Variants in CDC20B observed in about 807,000 individuals in gnomAD.
CDC20B encodes cell division cycle protein 20 homolog B.
Under a neutral mutation model 64.1 loss-of-function variants are expected in CDC20B, and 58 were observed. The observed-to-expected ratio is 0.90, with a 90% CI of 0.73 to 1.13. The LOEUF is 1.13. Ranked by LOEUF, CDC20B falls within the 50% of genes most tolerant of loss-of-function variation. The pLI, the probability that CDC20B is intolerant of heterozygous loss-of-function variation, is 0.00. For missense variants in CDC20B, 597 were observed against 633.0 expected, an observed-to-expected ratio of 0.94 and a Z score of 0.61; for synonymous variants, 243 against 230.6, an observed-to-expected ratio of 1.05 and a Z score of -0.49.
intron 2 of CDC20B, among the ~76,000 whole-genome samples, chr5:55,171,006 T>C (rs1301798805): frequency 1.3e-5 from 2 of 152,214 alleles, no homozygotes; most frequent in Admixed American, 1.3e-4. Context: ...ACAGTACAAA[T>C]GAATTTTAAA....
chr5:55,114,006 C>A lies in CDC20B; in HGVS notation c.*212G>T. 2.6e-6 allele frequency: 2 copies of A among 768,854 alleles called. No homozygotes were observed. Among genetic ancestry groups the A allele is most frequent in the Non-Finnish European group, 3.8e-6 (2 of 529,278 alleles). 47.6% of individuals were successfully genotyped at this position (768,854 alleles called of 1,614,324 possible). On this transcript the variant is annotated 3_prime_UTR_variant, in exon 12 of 12. Transcript: ENST00000381375. This position sits in a 1 kb window ranked among gnomAD's most constrained non-coding sequence, Gnocchi z 4.1. ...AGAAGAGGAGGGGGAGGAAGAGGGG[C>A]AGAAAGAAGAAAGCAGAGAAGAAAA...
intron 5 of CDC20B, among the ~76,000 whole-genome samples, chr5:55,135,136 T>C (rs922137864): frequency 6.6e-6 from 1 of 152,146 alleles, no homozygotes; most frequent in African/African-American, 2.4e-5. Context: ...TGTGCATGTG[T>C]GGTGACAAGG....
intron 2 of CDC20B, among the ~76,000 whole-genome samples, chr5:55,163,707 C>A (rs890667004): frequency 6.6e-6 from 1 of 151,056 alleles, no homozygotes; most frequent in East Asian, 2.0e-4. Context: ...GGGGTTTCAC[C>A]GTGTTGGGCA....
intron 2 of CDC20B, chr5:55,172,143 C>G (rs1744618744): frequency 6.2e-6 from 1 of 161,354 alleles, no homozygotes; most frequent in Admixed American, 6.2e-5. Context: ...TTTGGTCTTT[C>G]AAGGAGAACA....
chr5:55,141,102 G>A (rs533817772), intron 4 of CDC20B, among the ~76,000 whole-genome samples: 1 of 152,276 alleles, frequency 6.6e-6, no homozygotes, highest in East Asian at 1.9e-4. Context: ...GGAGGGAGTG[G>A]GTGGATGAGC....
intron 6 of CDC20B, among the ~76,000 whole-genome samples, chr5:55,130,213 A>G (rs1308767855): frequency 1.3e-5 from 2 of 152,206 alleles, no homozygotes; most frequent in African/African-American, 4.8e-5. Context: ...CACAAAATAC[A>G]AACTTTAAAA....
rs900910077 is a variant in CDC20B at position 55,128,312 on chromosome 5, C to G, written c.894+109G>C. 6.8e-6 allele frequency: 5 copies of G among 740,442 alleles called. No individual in the cohort carries two copies. The African/African-American group carries it at 9.7e-5, about 14-fold the overall frequency. The allele number at this position is 740,442 out of a possible 1,614,324, so 45.9% of individuals were successfully genotyped here. On this transcript the variant is annotated intron_variant, in intron 7 of 11. Coordinates refer to ENST00000381375, the MANE Select transcript of CDC20B (RefSeq NM_001170402.1). ...TCATCTCCTTTTATTCCCCATACTT[C>G]AAGAGCCACACCTAGTTTCTCTATT...
intron 2 of CDC20B, chr5:55,163,945 C>T (rs1322629061): frequency 2.6e-6 from 2 of 755,902 alleles, no homozygotes; most frequent in Non-Finnish European, 3.9e-6. Context: ...TATATTATGA[C>T]AGTCCTAGAA....
chr5:55,168,859 A>G (rs1397700479), intron 2 of CDC20B, among the ~76,000 whole-genome samples: 4 of 152,202 alleles, frequency 2.6e-5, no homozygotes, highest in Non-Finnish European at 5.9e-5. Flanking sequence ...CTGAAAAACT[A>G]TCTATTGGGT....
chr5:55,136,347 G>C (rs370294376), intron 5 of CDC20B: 12 of 151,782 alleles, frequency 7.9e-5, no homozygotes, highest in Admixed American at 7.9e-4. Flanking sequence ...ATCATTTGTG[G>C]CCAGAGTTCA....
chr5:55,154,469 A>C (rs1359059545), intron 2 of CDC20B, among the ~76,000 whole-genome samples: 2 of 152,164 alleles, frequency 1.3e-5, no homozygotes, highest in African/African-American at 4.8e-5. Flanking sequence ...GTGAGCCATG[A>C]TCATGCCACT....
At position 55,124,851 on chromosome 5, in the gene CDC20B, A is replaced by G; in HGVS notation, c.1167T>C (p.Ser389=). 6.2e-7 allele frequency: 1 copy of G among 1,614,202 alleles called. No homozygotes were observed. The highest frequency in any genetic ancestry group is 8.5e-7 in the Non-Finnish European group (1 of 1,180,010). Residue 389 remains serine, a synonymous_variant, in exon 9 of 12, where the codon AGT becomes AGC. Transcript: ENST00000381375. The part of the protein sequence containing the change: ...LTIWPHDPGA[S]AQGQPLKVIT... ...TGACTTTCAGCGGTTGGCCCTGTGC[A>G]CTGGCACCTGGATCGTGGGGCCATA...
chr5:55,162,121 C>T (rs972996492), intron 2 of CDC20B, among the ~76,000 whole-genome samples: 13 of 147,890 alleles, frequency 8.8e-5, no homozygotes, highest in South Asian at 8.6e-4. Flanking sequence ...AAAGGCCGGG[C>T]GCGGTGGCTC....
At chr5:55,143,728 CAGA>C (rs1349505694) in intron 3 of CDC20B, 85 bp from the exon 4 acceptor site, 2 of 1,336,932 alleles carry the variant, frequency 1.5e-6, no homozygotes, top group African/African-American at 2.9e-5. Flanking sequence ...GCATCTTTCA[CAGA>C]AGGACAGAGT....
In CDC20B at chr5:55,114,079, A is replaced by G; in HGVS notation, c.*139T>C. 3 of 1,367,378 alleles carry G rather than the reference A, an allele frequency of 2.2e-6. No individual in the cohort carries two copies. The South Asian group carries it at 5.3e-5, about 24-fold the overall frequency. The allele number at this position is 1,367,378 out of a possible 1,614,324, so 84.7% of individuals were successfully genotyped here. ...AGCAAGTAAAGCAATCTGCAAAAGA[A>G]GAACAGGAGAACAGGCATTCACATC... On this transcript the variant is annotated 3_prime_UTR_variant, in exon 12 of 12. Coordinates refer to ENST00000381375, the MANE Select transcript of CDC20B (RefSeq NM_001170402.1). The surrounding 1 kb of genome is among the most constrained non-coding windows in gnomAD (Gnocchi z 4.1).
intron 7 of CDC20B, among the ~76,000 whole-genome samples, 189 bp from the exon 8 acceptor site, chr5:55,127,540 G>C (rs538637357): frequency 6.6e-6 from 1 of 152,302 alleles, no homozygotes; most frequent in East Asian, 1.9e-4. Flanking sequence ...ATAACACTAT[G>C]GATGCTGATT....
chr5:55,125,843 T>A (rs1742874461), intron 8 of CDC20B, among the ~76,000 whole-genome samples: 1 of 152,248 alleles, frequency 6.6e-6, no homozygotes, highest in South Asian at 2.1e-4. Context: ...GCTGGGTTAT[T>A]CCAACTCCAT....
intron 2 of CDC20B, chr5:55,165,175 T>C (rs905460469): frequency 6.6e-6 from 1 of 152,188 alleles, no homozygotes; most frequent in Non-Finnish European, 1.5e-5. Context: ...CCAAACAGCC[T>C]AAATTCTAGT....
chr5:55,136,000 G>A (rs1348920838), intron 5 of CDC20B: 1 of 151,696 alleles, frequency 6.6e-6, no homozygotes, highest in Non-Finnish European at 1.5e-5. Context: ...CTAGAGAGCA[G>A]TGGCACGGTC....
Sources: gnomAD v4.1 joint callset for allele counts (sites outside exome capture counted in the v4.1 genomes callset) on GRCh38, gnomAD v4.1.1 for gene constraint, Gnocchi (gnomAD v3.1) non-coding constraint, MANE v1.5 for transcripts, NCBI Gene and HGNC (gene_info 2026-07-23, HGNC 2026-07-21) for gene names.